Variants in PRKG1 observed in about 807,000 individuals in gnomAD.
PRKG1 encodes cGMP-dependent protein kinase 1.
In PRKG1, 35 loss-of-function variants were observed where a neutral mutation model predicts 88.1. The ratio of observed to expected loss-of-function variants is 0.40; its 90% CI spans 0.30 to 0.53. The LOEUF is 0.53. Among genes scored for constraint, PRKG1 ranks in the 20% least tolerant of loss-of-function variants. The pLI, the probability that PRKG1 is intolerant of heterozygous loss-of-function variation, is 0.59. For synonymous variants in PRKG1, 303 were observed against 292.5 expected (o/e 1.04, Z -0.37); for missense variants, 540 against 839.8 (o/e 0.64, Z 4.41).
chr10:51,487,487 A>G (rs1840581731), intron 3 of PRKG1, among the ~76,000 whole-genome samples: 2 of 152,146 alleles, frequency 1.3e-5, no homozygotes, highest in Admixed American at 1.3e-4. Context: ...AAAACTCAGT[A>G]GGGAGTTGCG....
At chr10:51,823,165 T>C (rs1839792895) in intron 4 of PRKG1, among the ~76,000 whole-genome samples, 1 of 152,056 alleles carries the variant, frequency 6.6e-6, no homozygotes, top group African/African-American at 2.4e-5. Flanking sequence ...TAAACAACTG[T>C]TAGGAATGTA....
chr10:51,567,500 A>G (rs1837637343), intron 3 of PRKG1, among the ~76,000 whole-genome samples: 1 of 152,156 alleles, frequency 6.6e-6, no homozygotes, highest in South Asian at 2.1e-4. Flanking sequence ...TTGGCAAAGT[A>G]CATCCTTCTA....
chr10:51,775,592 G>A (rs1041274806), intron 3 of PRKG1, among the ~76,000 whole-genome samples: 18 of 150,256 alleles, frequency 1.2e-4, no homozygotes, highest in African/African-American at 3.5e-4. Flanking sequence ...ATTATTATTT[G>A]TTTATTTTTT....
chr10:51,767,114 T>G (rs1024504196), intron 3 of PRKG1, among the ~76,000 whole-genome samples: 1 of 152,206 alleles, frequency 6.6e-6, no homozygotes, highest in Non-Finnish European at 1.5e-5. Context: ...TCTCACTAAC[T>G]GCAATGTAAT....
chr10:51,636,956 A>C (rs1839671079), intron 3 of PRKG1, among the ~76,000 whole-genome samples: 1 of 152,182 alleles, frequency 6.6e-6, no homozygotes, highest in African/African-American at 2.4e-5. Flanking sequence ...AAATCTTAGC[A>C]ACAAATTGGA....
intron 3 of PRKG1, among the ~76,000 whole-genome samples, chr10:51,793,037 G>GA (rs1024539766): frequency 1.2e-4 from 15 of 129,466 alleles, no homozygotes; most frequent in East Asian, 4.6e-4. Context: ...ATTATTAAGT[G>GA]AAAAAAAAAG....
rs988217081 is a variant in PRKG1, at chr10:50,991,747, C to T, written c.266+103C>T. 4.3e-4 allele frequency: 393 copies of T among 913,288 alleles called. 13 individuals carry two copies. In the Admixed American group the frequency reaches 0.022, roughly 52 times the overall value. The allele number at this position is 913,288 out of a possible 1,614,324, so 56.6% of individuals were successfully genotyped here. ...GGGGCGGGTCGGCCCAGGGCGCCCC[C>T]TGCTCGCTGCGGCGCGCGGAGTGGG... On this transcript the variant is annotated intron_variant, in intron 1 of 17. Transcript: ENST00000401604. This position sits in a 1 kb window ranked among gnomAD's most constrained non-coding sequence, Gnocchi z 4.5.
chr10:51,920,689 A>T (rs529292763), intron 5 of PRKG1, among the ~76,000 whole-genome samples: 2 of 152,274 alleles, frequency 1.3e-5, no homozygotes, highest in South Asian at 4.1e-4. Context: ...ATCTTGAGCA[A>T]GTTACTTAAC....
At chr10:51,281,885 C>G (rs1236448995) in intron 2 of PRKG1, among the ~76,000 whole-genome samples, 1 of 152,164 alleles carries the variant, frequency 6.6e-6, no homozygotes, top group Non-Finnish European at 1.5e-5. Flanking sequence ...ATTAGAGTCA[C>G]CTGTGAAACT....
chr10:51,250,004 T>C (rs79583271), intron 2 of PRKG1, among the ~76,000 whole-genome samples: 476 of 151,894 alleles, frequency 3.1e-3, no homozygotes, highest in Non-Finnish European at 5.0e-3. Flanking sequence ...TCATCTAGGG[T>C]ACTTTGTTTA....
At chr10:52,083,889 G>T (rs767789177) in intron 7 of PRKG1, among the ~76,000 whole-genome samples, 1 of 152,008 alleles carries the variant, frequency 6.6e-6, no homozygotes, top group Non-Finnish European at 1.5e-5. Context: ...ACAGGGGCTG[G>T]AAGATCAGTG....
chr10:51,276,031 T>C (rs976885379), intron 2 of PRKG1, among the ~76,000 whole-genome samples: 7 of 152,026 alleles, frequency 4.6e-5, no homozygotes, highest in Non-Finnish European at 7.4e-5. Context: ...TTGTTACATA[T>C]GTATACATGT....
intron 2 of PRKG1, among the ~76,000 whole-genome samples, chr10:51,354,793 A>C (rs1206223245): frequency 1.3e-5 from 2 of 152,046 alleles, no homozygotes; most frequent in Non-Finnish European, 2.9e-5. Context: ...TGTGTTGTCT[A>C]TGGGAAGGCT....
chr10:51,538,324 A>G (rs182082851), intron 3 of PRKG1, among the ~76,000 whole-genome samples: 12 of 149,638 alleles, frequency 8.0e-5, no homozygotes, highest in African/African-American at 2.9e-4. Flanking sequence ...TTATTAATAT[A>G]TAATGTGATG....
rs192117087 is a variant in PRKG1, at chr10:51,904,238, T to A, written c.699-3269T>A. Among the ~76,000 whole-genome samples, 339 of 152,258 alleles carry A rather than the reference T, an allele frequency of 2.2e-3. 3 individuals carry two copies. Among genetic ancestry groups the A allele is most frequent in the South Asian group, 0.013 (61 of 4,828 alleles). The stretch of plus-strand genomic sequence containing the variant: ...ATGTAAATTGTTACAATAAATTATT[T>A]TTTTTTGCATAACTGAAAATATTCT... On this transcript the variant is annotated intron_variant, in intron 4 of 17. Transcript: ENST00000373980.
intron 1 of PRKG1, among the ~76,000 whole-genome samples, chr10:51,039,579 T>TTG (rs376505695): frequency 8.6e-5 from 13 of 151,974 alleles, no homozygotes; most frequent in South Asian, 4.2e-4. Context: ...GGAGAAGTTT[T>TTG]TGTGTGTGTG....
At chr10:51,525,453 CTTTG>C (rs1841855959) in intron 3 of PRKG1, among the ~76,000 whole-genome samples, 1 of 152,180 alleles carries the variant, frequency 6.6e-6, no homozygotes, top group South Asian at 2.1e-4. Flanking sequence ...AATCCCAGCA[CTTTG>C]GGAGGTCGAG....
Position 51,163,886 on chromosome 10 carries a change from A to G in PRKG1, c.478+10556A>G, listed in dbSNP as rs1294795279. Among the ~76,000 whole-genome samples, 4 of 152,338 alleles carry G rather than the reference A, an allele frequency of 2.6e-5. No individual in the cohort carries two copies. The East Asian group carries it at 7.7e-4, about 29-fold the overall frequency. On this transcript the variant is annotated intron_variant, in intron 2 of 17. Transcript: ENST00000373980. ...CCAGGCTCGCTTAGGTAAACAAAGC[A>G]GCTGGGAAGCTGGAACTGGGTGGAG... is the stretch of plus-strand genomic sequence containing the variant.
At chr10:52,086,548 G>T (rs759566226) in intron 7 of PRKG1, among the ~76,000 whole-genome samples, 2 of 151,932 alleles carry the variant, frequency 1.3e-5, no homozygotes, top group Non-Finnish European at 2.9e-5. Flanking sequence ...AGGATTACAG[G>T]AGAGCATCAC....
Sources: gnomAD v4.1 joint callset for allele counts (sites outside exome capture counted in the v4.1 genomes callset) on GRCh38, gnomAD v4.1.1 for gene constraint, Gnocchi (gnomAD v3.1) non-coding constraint, MANE v1.5 for transcripts, NCBI Gene and HGNC (gene_info 2026-07-23, HGNC 2026-07-21) for gene names.